EFNA5: variants seen among roughly 807,000 people sequenced by gnomAD.
The protein encoded by EFNA5 is ephrin-A5.
In EFNA5, 5 loss-of-function variants were observed where a neutral mutation model predicts 22.9. The ratio of observed to expected loss-of-function variants is 0.22; its 90% CI spans 0.11 to 0.46. The LOEUF (loss-of-function observed/expected upper bound fraction) is 0.46, where lower values mean the gene tolerates loss of function less well. Ranked by LOEUF, EFNA5 falls within the 20% of genes least tolerant of loss-of-function variation. EFNA5 has a pLI of 0.99. For synonymous variants in EFNA5, 113 were observed against 112.2 expected, an observed-to-expected ratio of 1.01 and a Z score of -0.04; for missense variants, 237 against 293.3, an observed-to-expected ratio of 0.81 and a Z score of 1.40.
At chr5:107,549,656 G>A (rs752108554) in intron 1 of EFNA5, among the ~76,000 whole-genome samples, 4 of 152,192 alleles carry the variant, frequency 2.6e-5, no homozygotes, top group African/African-American at 4.8e-5. Flanking sequence ...AAGCCTGTTG[G>A]GTCCCAGGCT....
chr5:107,541,949 T>C (rs1271202679), intron 1 of EFNA5, among the ~76,000 whole-genome samples: 1 of 152,212 alleles, frequency 6.6e-6, no homozygotes, highest in African/African-American at 2.4e-5. Context: ...TATATCTGTG[T>C]TGTTGAAGAA....
intron 1 of EFNA5, among the ~76,000 whole-genome samples, chr5:107,466,179 G>A (rs1275268799): frequency 6.6e-6 from 1 of 152,138 alleles, no homozygotes; most frequent in Non-Finnish European, 1.5e-5. Flanking sequence ...AAAAGAGTCT[G>A]CCACTGCACT....
intron 1 of EFNA5, among the ~76,000 whole-genome samples, chr5:107,618,898 A>G (rs1451875641): frequency 6.6e-6 from 1 of 152,068 alleles, no homozygotes; most frequent in Non-Finnish European, 1.5e-5. Flanking sequence ...CACATTCCCA[A>G]TGTGCCTATG....
rs141478853 is a variant in EFNA5, at chr5:107,635,186, G to A, written c.125+35303C>T. On this transcript the variant is annotated intron_variant, in intron 1 of 4. Coordinates refer to ENST00000333274, the MANE Select transcript of EFNA5 (RefSeq NM_001962.3). ...CTTAAAATAACATTCTTCTTAAATC[G>A]CATCCATATGATTTAGCAAATTGAT... Among the ~76,000 whole-genome samples the A allele has an allele frequency of 3.2e-4, 48 of 152,248 alleles. No individual in the cohort carries two copies. The East Asian group carries it at 8.7e-3, about 27-fold the overall frequency.
chr5:107,409,456 C>G (rs944869290), intron 2 of EFNA5, among the ~76,000 whole-genome samples: 1 of 152,124 alleles, frequency 6.6e-6, no homozygotes, highest in African/African-American at 2.4e-5. Flanking sequence ...AGATACCAGA[C>G]GAGAAACTAC....
At chr5:107,586,696 A>T (rs1364824273) in intron 1 of EFNA5, among the ~76,000 whole-genome samples, 1 of 152,228 alleles carries the variant, frequency 6.6e-6, no homozygotes, top group African/African-American at 2.4e-5. Flanking sequence ...GTATTTACAG[A>T]AATGTACCAA....
intron 4 of EFNA5, among the ~76,000 whole-genome samples, chr5:107,382,548 A>G (rs1357625991): frequency 1.3e-5 from 2 of 151,996 alleles, no homozygotes; most frequent in African/African-American, 4.8e-5. Context: ...AATTTTAAGA[A>G]TTTTTAGAGA....
At chr5:107,458,985 T>C (rs781636578) in intron 1 of EFNA5, among the ~76,000 whole-genome samples, 17 of 152,322 alleles carry the variant, frequency 1.1e-4, no homozygotes, top group South Asian at 2.1e-4. Flanking sequence ...TTTTTGTACC[T>C]TGACACCAAA....
intron 1 of EFNA5, among the ~76,000 whole-genome samples, chr5:107,665,217 G>A: frequency 6.6e-6 from 1 of 152,172 alleles, no homozygotes; most frequent in East Asian, 1.9e-4. Flanking sequence ...CGTGAAGCTG[G>A]TAGCTTGCTT....
At chr5:107,579,427 T>A (rs1450603658) in intron 1 of EFNA5, among the ~76,000 whole-genome samples, 1 of 152,140 alleles carries the variant, frequency 6.6e-6, no homozygotes, top group Non-Finnish European at 1.5e-5. Context: ...GCATTCTAAC[T>A]CAGGTCTGCT....
chr5:107,533,550 G>C (rs1029985780), intron 1 of EFNA5, among the ~76,000 whole-genome samples: 1 of 152,106 alleles, frequency 6.6e-6, no homozygotes, highest in African/African-American at 2.4e-5. Flanking sequence ...AATATTACAG[G>C]AAGAAAGCCC....
intron 1 of EFNA5, among the ~76,000 whole-genome samples, chr5:107,622,345 C>T (rs1480996859): frequency 6.6e-6 from 1 of 152,186 alleles, no homozygotes; most frequent in East Asian, 1.9e-4. Context: ...CCCCATGTCT[C>T]ACCCTCAAAT....
At chr5:107,431,355 T>G (rs1030438647) in intron 1 of EFNA5, among the ~76,000 whole-genome samples, 4 of 152,212 alleles carry the variant, frequency 2.6e-5, no homozygotes, top group Non-Finnish European at 1.5e-5. Context: ...CCTTAATATA[T>G]CAAATCATGT....
chr5:107,523,296 C>T (rs1026244309), intron 1 of EFNA5, among the ~76,000 whole-genome samples: 35 of 146,388 alleles, frequency 2.4e-4, no homozygotes, highest in African/African-American at 8.7e-4. Flanking sequence ...TATGTGCTTC[C>T]TTTTTTTTTT....
chr5:107,583,623 C>G (rs1477665965), intron 1 of EFNA5, among the ~76,000 whole-genome samples: 1 of 152,084 alleles, frequency 6.6e-6, no homozygotes, highest in Non-Finnish European at 1.5e-5. Flanking sequence ...TACACTATGG[C>G]TAGGGAGCAA....
chr5:107,621,158 C>A (rs1750029401), intron 1 of EFNA5, among the ~76,000 whole-genome samples: 1 of 152,130 alleles, frequency 6.6e-6, no homozygotes, highest in Non-Finnish European at 1.5e-5. Flanking sequence ...TGAAAGGCAA[C>A]TGTGGCAGAC....
intron 1 of EFNA5, among the ~76,000 whole-genome samples, chr5:107,625,443 GTTGA>G (rs1267179677): frequency 6.6e-6 from 1 of 151,858 alleles, no homozygotes; most frequent in Non-Finnish European, 1.5e-5. Flanking sequence ...AGCATGCCTT[GTTGA>G]TTATTTTCCC....
chr5:107,471,579 T>C (rs1448349420), intron 1 of EFNA5, among the ~76,000 whole-genome samples: 1 of 152,220 alleles, frequency 6.6e-6, no homozygotes, highest in Non-Finnish European at 1.5e-5. Flanking sequence ...TTCATGCTAG[T>C]CAGTTGATGA....
At chr5:107,571,674 T>A (rs1021983998) in intron 1 of EFNA5, among the ~76,000 whole-genome samples, 1 of 152,008 alleles carries the variant, frequency 6.6e-6, no homozygotes, top group African/African-American at 2.4e-5. Flanking sequence ...TTGCCAGCCG[T>A]GGAATTTTCA....
Sources: gnomAD v4.1 joint callset for allele counts (sites outside exome capture counted in the v4.1 genomes callset) on GRCh38, gnomAD v4.1.1 for gene constraint, MANE v1.5 for transcripts, NCBI Gene and HGNC (gene_info 2026-07-23, HGNC 2026-07-21) for gene names.